The following FRMPD4 variants were observed in gnomAD, a reference collection of about 807,000 sequenced individuals.
FRMPD4 encodes the protein FERM and PDZ domain-containing protein 4.
Under a neutral mutation model 94.1 loss-of-function variants are expected in FRMPD4, and 22 were observed. The observed-to-expected ratio is 0.23, with a 90% confidence interval of 0.17 to 0.33. The LOEUF is 0.33. FRMPD4 is among the 10% of genes least tolerant of loss of function. The probability of loss-of-function intolerance (pLI) is 1.00; values close to 1 mark genes in which losing one functional copy is unlikely to be tolerated. For missense variants in FRMPD4, 1,111 were observed against 1,339.9 expected (o/e 0.83, Z 2.67); for synonymous variants, 631 against 548.6 (o/e 1.15, Z -2.10).
At chrX:12,680,369 G>C (rs926002378) in intron 5 of FRMPD4, among the ~76,000 whole-genome samples, 1 of 112,280 alleles carries the variant, frequency 8.9e-6, no homozygotes, top group Non-Finnish European at 1.9e-5. Context: ...AGGCTTTCAA[G>C]TGGTACACAT....
chrX:12,230,974 TAA>T (rs1268372383), intron 1 of FRMPD4, among the ~76,000 whole-genome samples: 4 of 52,217 alleles, frequency 7.7e-5, no homozygotes, highest in Non-Finnish European at 1.1e-4. Flanking sequence ...AAATATATAG[TAA>T]TATATATAGT....
intron 1 of FRMPD4, among the ~76,000 whole-genome samples, chrX:11,861,610 A>G (rs900360901): frequency 2.7e-5 from 3 of 111,723 alleles, no homozygotes; most frequent in African/African-American, 9.8e-5. Flanking sequence ...AGAAATAGGT[A>G]CAATCCTACC....
At chrX:11,829,353 G>T (rs974070088) in intron 1 of FRMPD4, among the ~76,000 whole-genome samples, 7 of 111,708 alleles carry the variant, frequency 6.3e-5, no homozygotes, top group African/African-American at 2.3e-4. Flanking sequence ...AGAAATCTAT[G>T]AGGCTGGATC....
rs1377905569 is a variant in FRMPD4, at chrX:12,720,796, C to T, written c.4227C>T (p.Ser1409=). The change falls in exon 17 of 17, where the codon TCC becomes TCT. Residue 1409 remains serine (S), a synonymous_variant. Transcript: ENST00000675598. ...TGAGACATAGCAGCAGTATCCTCTC[C>T]GGATCTGTCGATTTGGAGACCTTCC... is the stretch of plus-strand genomic sequence containing the variant. The part of the protein sequence containing the change: ...KALRHSSSIL[S]GSVDLETFRE... 15 of 986,435 alleles carry T rather than the reference C, an allele frequency of 1.5e-5. No individual in the cohort carries two copies. The highest frequency in any genetic ancestry group is 3.7e-5 in the South Asian group (1 of 26,805). The allele number at this position is 986,435 out of a possible 1,213,427, so 81.3% of individuals were successfully genotyped here. A position where few individuals can be genotyped will look rare whatever the true frequency, so the allele number is the denominator to read the frequency against.
intron 3 of FRMPD4, among the ~76,000 whole-genome samples, chrX:12,015,018 A>T (rs761169397): frequency 2.2e-4 from 25 of 111,761 alleles, no homozygotes; most frequent in African/African-American, 7.8e-4. Flanking sequence ...TATATAAAGA[A>T]GAAGAAGAGT....
At chrX:12,034,928 C>A (rs911782008) in intron 3 of FRMPD4, among the ~76,000 whole-genome samples, 1 of 111,824 alleles carries the variant, frequency 8.9e-6, no homozygotes, top group South Asian at 3.8e-4. Context: ...AAAAGGTATG[C>A]GGTGGGCTGA....
At chrX:12,697,603 C>T (rs2147131541) in intron 9 of FRMPD4, among the ~76,000 whole-genome samples, 1 of 112,314 alleles carries the variant, frequency 8.9e-6, no homozygotes, top group Non-Finnish European at 1.9e-5. Flanking sequence ...ACAAGGAGTA[C>T]AGCTAAACCC....
chrX:12,594,037 AT>A (rs1266436770), intron 2 of FRMPD4, among the ~76,000 whole-genome samples: 48 of 106,883 alleles, frequency 4.5e-4, no homozygotes, highest in African/African-American at 1.2e-3. Flanking sequence ...CATGTACTTC[AT>A]TTTTTTTTTA....
chrX:12,357,122 A>G (rs1397036255), intron 1 of FRMPD4, among the ~76,000 whole-genome samples: 1 of 111,988 alleles, frequency 8.9e-6, no homozygotes, highest in Non-Finnish European at 1.9e-5. Context: ...TGGATATTTC[A>G]TACTTGGGGT....
chrX:12,046,338 A>T (rs763483653), intron 3 of FRMPD4, among the ~76,000 whole-genome samples: 1 of 111,311 alleles, frequency 9.0e-6, no homozygotes, highest in East Asian at 2.8e-4. Context: ...ACCACCGCAG[A>T]GGTCATCAAC....
chrX:11,929,462 T>C (rs918550723), intron 3 of FRMPD4, among the ~76,000 whole-genome samples: 4 of 112,454 alleles, frequency 3.6e-5, no homozygotes, highest in Admixed American at 9.4e-5. Flanking sequence ...TGGCATAAAG[T>C]GCTGGATACA....
intron 2 of FRMPD4, among the ~76,000 whole-genome samples, chrX:12,502,143 T>C (rs979127253): frequency 2.5e-4 from 28 of 111,976 alleles, no homozygotes; most frequent in African/African-American, 8.4e-4. Context: ...GTAATTCTAA[T>C]GAACAGCTAT....
chrX:12,377,336 G>A (rs756837766), intron 1 of FRMPD4, among the ~76,000 whole-genome samples: 5 of 112,195 alleles, frequency 4.5e-5, no homozygotes, highest in Admixed American at 9.4e-5. Context: ...CTGCACTGCC[G>A]GTAACAGGTA....
intron 2 of FRMPD4, among the ~76,000 whole-genome samples, chrX:12,558,638 G>C (rs2897786): frequency 0.47 from 46,064 of 98,520 alleles, 7,747 homozygotes; most frequent in Non-Finnish European, 0.58. Context: ...GGAGACAGCA[G>C]GGGGAATGCA....
At position 12,716,072 on chromosome X, in the gene FRMPD4, C is replaced by T. The variant is rs756760383; in HGVS notation, c.1613C>T (p.Pro538Leu). 1 of 996,474 alleles carries T rather than the reference C, an allele frequency of 1.0e-6. No homozygotes were observed. The highest frequency in any genetic ancestry group is 5.2e-5 in the East Asian group (1 of 19,335). The allele number at this position is 996,474 out of a possible 1,213,427, so 82.1% of individuals were successfully genotyped here. ...KKNTATQETG[P>L]ENKGKHNLLG... Reference sequence around the variant, plus strand: ...TTGCGTGATTCTTTCTCTTTAGGACCTGAAAACAAGGGGAAGCATAACCTC... The same window carrying T: ...TTGCGTGATTCTTTCTCTTTAGGACTTGAAAACAAGGGGAAGCATAACCTC... Residue 538 changes from proline (P) to leucine (L), a missense_variant, in exon 15 of 17, where the codon CCT becomes CTT. Coordinates refer to ENST00000675598, the MANE Select transcript of FRMPD4 (RefSeq NM_001368397.1).
At chrX:12,442,615 G>A (rs897519432) in intron 1 of FRMPD4, among the ~76,000 whole-genome samples, 5 of 111,455 alleles carry the variant, frequency 4.5e-5, no homozygotes, top group Non-Finnish European at 9.4e-5. Flanking sequence ...TAGAAACTTC[G>A]TACACTTCTG....
At chrX:11,871,514 A>G (rs1313087951) in intron 2 of FRMPD4, among the ~76,000 whole-genome samples, 1 of 113,007 alleles carries the variant, frequency 8.8e-6, no homozygotes, top group African/African-American at 3.2e-5. Flanking sequence ...ATTGCTTAGT[A>G]TAAGTATATC....
At chrX:12,373,011 G>A (rs2056183696) in intron 1 of FRMPD4, among the ~76,000 whole-genome samples, 1 of 112,131 alleles carries the variant, frequency 8.9e-6, no homozygotes, top group Admixed American at 9.4e-5. Context: ...AACTTTGGGG[G>A]ACAGCACCAC....
chrX:12,313,586 T>A lies in FRMPD4; in HGVS notation c.41+174574T>A, dbSNP rs374852226. ...GGATAAATCTACCAAAACTTTGAAT[T>A]TTGAGAGGGAGCTCAAGATCAAAGT... On this transcript the variant is annotated intron_variant, in intron 1 of 16. Transcript: ENST00000675598. Among the ~76,000 whole-genome samples, 3 of 112,621 alleles carry A rather than the reference T, an allele frequency of 2.7e-5. No individual in the cohort carries two copies. In the East Asian group the frequency reaches 8.4e-4, roughly 31 times the overall value.
Sources: gnomAD v4.1 joint callset for allele counts (sites outside exome capture counted in the v4.1 genomes callset) on GRCh38, gnomAD v4.1.1 for gene constraint, MANE v1.5 for transcripts, NCBI Gene and HGNC (gene_info 2026-07-23, HGNC 2026-07-21) for gene names.